GPC6: variants seen among roughly 807,000 people sequenced by gnomAD.
The protein encoded by GPC6 is glypican 6.
Under a neutral mutation model 55.2 loss-of-function variants are expected in GPC6, and 14 were observed. The ratio of observed to expected loss-of-function variants is 0.25; its 90% CI spans 0.17 to 0.40. The LOEUF is 0.40. Ranked by LOEUF, GPC6 falls within the 10% of genes least tolerant of loss-of-function variation. GPC6 has a pLI of 1.00. For missense variants in GPC6, 641 were observed against 708.5 expected, an observed-to-expected ratio of 0.90 and a Z score of 1.08; for synonymous variants, 278 against 259.6, an observed-to-expected ratio of 1.07 and a Z score of -0.68.
chr13:93,318,040 T>C (rs1381196589), intron 1 of GPC6, among the ~76,000 whole-genome samples: 2 of 152,180 alleles, frequency 1.3e-5, no homozygotes, highest in Admixed American at 1.3e-4. Context: ...TATGTGACAT[T>C]GTCATTTTAC....
Position 93,490,740 on chromosome 13 carries a change from A to G in GPC6, c.161-54523A>G, listed in dbSNP as rs1409638008. Among the ~76,000 whole-genome samples the G allele has an allele frequency of 1.8e-4, 21 of 117,586 alleles. 1 individual carries two copies. Among genetic ancestry groups the G allele is most frequent in the Middle Eastern group, 4.4e-3 (1 of 228 alleles). 77.1% of individuals were successfully genotyped at this position (117,586 alleles called of 152,430 possible). ...TGTGTCCATGTGATCTGATTGTTCAATTCCCACCCATGAGTGAGAATATGC... is the reference window on the plus strand; with the variant it reads ...TGTGTCCATGTGATCTGATTGTTCAGTTCCCACCCATGAGTGAGAATATGC... On this transcript the variant is annotated intron_variant, in intron 1 of 8. Transcript: ENST00000377047.
intron 4 of GPC6, among the ~76,000 whole-genome samples, chr13:94,179,137 G>A (rs1022607950): frequency 1.1e-4 from 17 of 152,154 alleles, no homozygotes; most frequent in African/African-American, 3.4e-4. Flanking sequence ...TCCTGATCAT[G>A]TATTCATCAT....
At chr13:94,152,877 T>G (rs1887794324) in intron 4 of GPC6, among the ~76,000 whole-genome samples, 1 of 152,172 alleles carries the variant, frequency 6.6e-6, no homozygotes, top group South Asian at 2.1e-4. Flanking sequence ...AAGCACCTAC[T>G]ATGTTTTAAG....
At chr13:93,330,134 T>C (rs1294272676) in intron 1 of GPC6, among the ~76,000 whole-genome samples, 1 of 152,214 alleles carries the variant, frequency 6.6e-6, no homozygotes, top group Admixed American at 6.5e-5. Flanking sequence ...GTCTTCATTG[T>C]GCAAGAATGT....
intron 2 of GPC6, among the ~76,000 whole-genome samples, chr13:93,562,151 C>G (rs1875846134): frequency 6.6e-6 from 1 of 151,920 alleles, no homozygotes; most frequent in Non-Finnish European, 1.5e-5. Flanking sequence ...TGGAGCCTTT[C>G]CCTTGTGATG....
intron 3 of GPC6, among the ~76,000 whole-genome samples, chr13:93,922,944 T>C (rs764645768): frequency 3.3e-5 from 5 of 152,140 alleles, no homozygotes; most frequent in Non-Finnish European, 7.4e-5. Flanking sequence ...TATACAAATA[T>C]GGAAAGAAAG....
chr13:94,380,492 T>A (rs1472646556), intron 6 of GPC6, among the ~76,000 whole-genome samples: 1 of 152,234 alleles, frequency 6.6e-6, no homozygotes, highest in Non-Finnish European at 1.5e-5. Context: ...AATTTTATAC[T>A]CTTCATCTAG....
intron 2 of GPC6, among the ~76,000 whole-genome samples, chr13:93,558,992 G>T (rs1249676266): frequency 6.6e-6 from 1 of 152,142 alleles, no homozygotes; most frequent in African/African-American, 2.4e-5. Context: ...TACAATAGTG[G>T]CCCTCCCTTC....
chr13:94,366,080 A>G (rs1879276980), intron 6 of GPC6, among the ~76,000 whole-genome samples: 1 of 152,188 alleles, frequency 6.6e-6, no homozygotes, highest in Non-Finnish European at 1.5e-5. Flanking sequence ...TCAGGTAGCT[A>G]TGAGCTTAAC....
chr13:93,780,678 CTATTAAAGGT>C (rs1368396299), intron 2 of GPC6, among the ~76,000 whole-genome samples: 1 of 151,362 alleles, frequency 6.6e-6, no homozygotes, highest in Non-Finnish European at 1.5e-5. Context: ...AAGGTTACTC[CTATTAAAGGT>C]TTGACAATGT....
intron 6 of GPC6, among the ~76,000 whole-genome samples, chr13:94,352,802 T>C (rs1298686710): frequency 6.6e-6 from 1 of 152,214 alleles, no homozygotes; most frequent in African/African-American, 2.4e-5. Context: ...TCTAGCCCAC[T>C]AACTCAAGAT....
chr13:94,263,333 A>G (rs1396383645), intron 4 of GPC6, among the ~76,000 whole-genome samples: 8 of 152,184 alleles, frequency 5.3e-5, no homozygotes, highest in Non-Finnish European at 2.9e-5. Context: ...TTTGTTTAAC[A>G]CCTGCTACGC....
intron 1 of GPC6, among the ~76,000 whole-genome samples, chr13:93,417,479 A>G (rs1876742144): frequency 6.6e-6 from 1 of 152,046 alleles, no homozygotes; most frequent in Non-Finnish European, 1.5e-5. Context: ...CAGAGGATCA[A>G]TGGCCTTGTA....
At chr13:93,647,144 G>C (rs964492249) in intron 2 of GPC6, among the ~76,000 whole-genome samples, 1 of 151,954 alleles carries the variant, frequency 6.6e-6, no homozygotes, top group Admixed American at 6.6e-5. Flanking sequence ...TTAAAATCTG[G>C]GTTAATTATA....
At chr13:94,091,735 T>C (rs1037658109) in intron 4 of GPC6, among the ~76,000 whole-genome samples, 1 of 152,086 alleles carries the variant, frequency 6.6e-6, no homozygotes, top group African/African-American at 2.4e-5. Flanking sequence ...ATATGAAAGA[T>C]GATGATGACC....
At chr13:94,015,035 C>A (rs1262183840) in intron 3 of GPC6, among the ~76,000 whole-genome samples, 1 of 152,136 alleles carries the variant, frequency 6.6e-6, no homozygotes, top group African/African-American at 2.4e-5. Context: ...ATTTTCATTT[C>A]TCTTGAGCAT....
chr13:93,423,020 T>C (rs1039843057), intron 1 of GPC6, among the ~76,000 whole-genome samples: 1 of 151,574 alleles, frequency 6.6e-6, no homozygotes, highest in Non-Finnish European at 1.5e-5. Context: ...CAGCATTGGG[T>C]AGTGGTTAGA....
intron 3 of GPC6, among the ~76,000 whole-genome samples, chr13:93,867,177 C>T (rs938050352): frequency 1.3e-5 from 2 of 150,928 alleles, no homozygotes; most frequent in East Asian, 2.0e-4. Context: ...AACAAGGTTG[C>T]TTATATTATG....
intron 4 of GPC6, among the ~76,000 whole-genome samples, chr13:94,138,639 GC>G (rs2138876899): frequency 6.6e-6 from 1 of 152,218 alleles, no homozygotes; most frequent in South Asian, 2.1e-4. Context: ...AAGCTCATCT[GC>G]CATTTTTACG....
Sources: allele counts gnomAD v4.1 joint callset (sites outside exome capture counted in the v4.1 genomes callset), GRCh38; gene constraint gnomAD v4.1.1; transcripts MANE v1.5; gene names NCBI Gene and HGNC (gene_info 2026-07-23, HGNC 2026-07-21).